ERBB4: variants seen among roughly 807,000 people sequenced by gnomAD.
ERBB4 encodes the protein receptor tyrosine-protein kinase erbB-4.
Under a neutral mutation model 158.0 loss-of-function variants are expected in ERBB4, and 42 were observed. That is an observed-to-expected ratio of 0.27 (90% CI 0.21 to 0.34). The LOEUF is 0.34. Among genes scored for constraint, ERBB4 ranks in the 10% least tolerant of loss-of-function variants. The probability of loss-of-function intolerance (pLI) is 1.00; values close to 1 mark genes in which losing one functional copy is unlikely to be tolerated. For missense variants in ERBB4, 1,333 were observed against 1,624.1 expected, an observed-to-expected ratio of 0.82 and a Z score of 3.08; for synonymous variants, 583 against 558.7, an observed-to-expected ratio of 1.04 and a Z score of -0.61.
intron 25 of ERBB4, among the ~76,000 whole-genome samples, chr2:211,399,928 C>A (rs1163711956): frequency 1.3e-5 from 2 of 152,152 alleles, no homozygotes; most frequent in Non-Finnish European, 2.9e-5. Flanking sequence ...CACCTAACTG[C>A]ATTTCCACAC....
intron 20 of ERBB4, among the ~76,000 whole-genome samples, chr2:211,549,388 C>T (rs1200142071): frequency 2.6e-5 from 4 of 151,932 alleles, no homozygotes; most frequent in Non-Finnish European, 4.4e-5. Context: ...CTAGAGGGGG[C>T]TGGTAGTGGG....
intron 3 of ERBB4, among the ~76,000 whole-genome samples, chr2:211,894,241 A>T (rs1243239361): frequency 2.1e-5 from 3 of 142,860 alleles, no homozygotes; most frequent in African/African-American, 5.3e-5. Context: ...ATAAAAAATG[A>T]TGAGTTCGTG....
chr2:211,678,948 CAG>C (rs1218633523), intron 13 of ERBB4, 102 bp downstream of exon 13: 76 of 1,094,810 alleles, frequency 6.9e-5, no homozygotes, highest in Non-Finnish European at 8.6e-5. Context: ...GCCAGGGCGA[CAG>C]AGCGAGACTC....
intron 2 of ERBB4, among the ~76,000 whole-genome samples, chr2:212,049,346 AT>A (rs200932954): frequency 0.048 from 7,236 of 151,914 alleles, 176 homozygotes; most frequent in Non-Finnish European, 0.059. Context: ...AGGACTTTTC[AT>A]TTTTTTTAAA....
At chr2:212,499,534 T>C (rs1690765991) in intron 1 of ERBB4, among the ~76,000 whole-genome samples, 1 of 152,144 alleles carries the variant, frequency 6.6e-6, no homozygotes, top group African/African-American at 2.4e-5. Context: ...CAACAGCTGT[T>C]GCAGTAGCTT....
At chr2:211,470,990 T>G (rs955737714) in intron 20 of ERBB4, among the ~76,000 whole-genome samples, 2 of 152,200 alleles carry the variant, frequency 1.3e-5, no homozygotes, top group Admixed American at 1.3e-4. Flanking sequence ...TGTGCCATTT[T>G]GGGTTATATC....
At chr2:212,188,046 ACTT>A (rs1164205174) in intron 1 of ERBB4, among the ~76,000 whole-genome samples, 3 of 152,050 alleles carry the variant, frequency 2.0e-5, no homozygotes, top group East Asian at 1.9e-4. Context: ...TGAATTTAGC[ACTT>A]CTTCTCCTGA....
chr2:211,717,752 G>C (rs13398104), intron 7 of ERBB4, among the ~76,000 whole-genome samples: 7,116 of 152,156 alleles, frequency 0.047, 185 homozygotes, highest in Non-Finnish European at 0.056. Context: ...GCTTGAACCC[G>C]GGAGGCGGAG....
In ERBB4 at chr2:211,997,136, C is replaced by T. The variant is rs182348781; in HGVS notation, c.235-49520G>A. Among the ~76,000 whole-genome samples, 379 of 127,712 alleles carry T rather than the reference C, an allele frequency of 3.0e-3. 4 individuals carry two copies. Among genetic ancestry groups the T allele is most frequent in the African/African-American group, 9.1e-3 (363 of 39,822 alleles). 83.8% of individuals were successfully genotyped at this position (127,712 alleles called of 152,430 possible). ...ATGTATCTAGTGTCTTGCATTTAAACCCCGTTTGCCGGATTAACTGCAAAT... is the reference window on the plus strand; with the variant it reads ...ATGTATCTAGTGTCTTGCATTTAAATCCCGTTTGCCGGATTAACTGCAAAT... On this transcript the variant is annotated intron_variant, in intron 2 of 27. Coordinates refer to ENST00000342788, the MANE Select transcript of ERBB4 (RefSeq NM_005235.3).
At chr2:211,848,000 G>A (rs2077630244) in intron 3 of ERBB4, among the ~76,000 whole-genome samples, 1 of 152,114 alleles carries the variant, frequency 6.6e-6, no homozygotes, top group Admixed American at 6.6e-5. Context: ...AAGTAAGAGA[G>A]ACAGAGCGGG....
At chr2:211,813,170 A>G (rs939723243) in intron 3 of ERBB4, among the ~76,000 whole-genome samples, 3 of 152,230 alleles carry the variant, frequency 2.0e-5, no homozygotes, top group East Asian at 1.9e-4. Flanking sequence ...CTATTTGGCC[A>G]TCTTGGAATG....
chr2:212,095,684 G>A (rs2078907512), intron 2 of ERBB4, among the ~76,000 whole-genome samples: 2 of 152,122 alleles, frequency 1.3e-5, no homozygotes, highest in African/African-American at 4.8e-5. Context: ...TATAATCCCA[G>A]CACTTTGGGA....
intron 1 of ERBB4, among the ~76,000 whole-genome samples, chr2:212,516,460 T>G (rs1560532224): frequency 1.3e-5 from 2 of 152,088 alleles, no homozygotes; most frequent in Admixed American, 1.3e-4. Flanking sequence ...TGCCACTGAC[T>G]GGCAACCTAT....
At chr2:211,601,195 G>A (rs1259973965) in intron 19 of ERBB4, among the ~76,000 whole-genome samples, 1 of 151,892 alleles carries the variant, frequency 6.6e-6, no homozygotes, top group Non-Finnish European at 1.5e-5. Flanking sequence ...ATCATATATG[G>A]TATTATCATA....
intron 19 of ERBB4, among the ~76,000 whole-genome samples, chr2:211,573,316 A>G (rs1035777026): frequency 5.3e-5 from 8 of 152,150 alleles, no homozygotes; most frequent in African/African-American, 1.9e-4. Context: ...TCAAATGTCT[A>G]GCCCCCAGAA....
At chr2:212,368,468 G>A (rs963349671) in intron 1 of ERBB4, among the ~76,000 whole-genome samples, 1 of 152,014 alleles carries the variant, frequency 6.6e-6, no homozygotes, top group African/African-American at 2.4e-5. Flanking sequence ...CTACAAATAT[G>A]GTGCAGTGTA....
intron 20 of ERBB4, among the ~76,000 whole-genome samples, chr2:211,528,559 T>G (rs918666204): frequency 3.9e-5 from 6 of 152,114 alleles, no homozygotes; most frequent in East Asian, 3.9e-4. Flanking sequence ...GAATACAAAT[T>G]CCTTTCCTCA....
chr2:211,697,726 C>T (rs1417949521), intron 12 of ERBB4, among the ~76,000 whole-genome samples: 2 of 151,982 alleles, frequency 1.3e-5, no homozygotes, highest in African/African-American at 4.8e-5. Flanking sequence ...TAGATGATAT[C>T]CAGTGATTTA....
intron 1 of ERBB4, among the ~76,000 whole-genome samples, chr2:212,501,398 T>C (rs1265567922): frequency 6.6e-6 from 1 of 152,118 alleles, no homozygotes; most frequent in Admixed American, 6.6e-5. Flanking sequence ...CCCTGATCCA[T>C]GTAAATACTC....
Sources: allele counts gnomAD v4.1 joint callset (sites outside exome capture counted in the v4.1 genomes callset), GRCh38; gene constraint gnomAD v4.1.1; transcripts MANE v1.5; gene names NCBI Gene and HGNC (gene_info 2026-07-23, HGNC 2026-07-21).